The following ARFGEF1 variants were observed in gnomAD, a reference collection of about 807,000 sequenced individuals.
ARFGEF1 encodes the protein ARF guanine nucleotide exchange factor 1.
A neutral mutation model predicts 231.0 loss-of-function variants in ARFGEF1; 42 were observed. That is an observed-to-expected ratio of 0.18 (90% CI 0.14 to 0.24). The LOEUF is 0.24. Ranked by LOEUF, ARFGEF1 falls within the 10% of genes least tolerant of loss-of-function variation. ARFGEF1 has a pLI of 1.00. For synonymous variants in ARFGEF1, 710 were observed against 732.3 expected, an observed-to-expected ratio of 0.97 and a Z score of 0.49; for missense variants, 1,345 against 2,192.0, an observed-to-expected ratio of 0.61 and a Z score of 7.72.
chr8:67,262,922 T>A (rs1347526951), intron 14 of ARFGEF1, among the ~76,000 whole-genome samples: 1 of 152,226 alleles, frequency 6.6e-6, no homozygotes, highest in Non-Finnish European at 1.5e-5. Context: ...TGACTCACTA[T>A]ATTGCAATAT....
At chr8:67,331,205 A>G (rs1808083597) in intron 1 of ARFGEF1, among the ~76,000 whole-genome samples, 1 of 152,212 alleles carries the variant, frequency 6.6e-6, no homozygotes, top group Non-Finnish European at 1.5e-5. Context: ...TAAAACACCC[A>G]TCGATTCAGA....
At chr8:67,311,839 G>C (rs542656775) in intron 1 of ARFGEF1, among the ~76,000 whole-genome samples, 8 of 152,318 alleles carry the variant, frequency 5.3e-5, no homozygotes, top group African/African-American at 1.9e-4. Context: ...GATGGTTGCC[G>C]TGTCTGTGTA....
rs971399114 is a variant in ARFGEF1, at chr8:67,319,016, A to T, written c.125-16550T>A. Among the ~76,000 whole-genome samples the T allele has an allele frequency of 3.3e-5, 5 of 152,226 alleles. No homozygotes were observed. In the South Asian group the frequency reaches 1.0e-3, roughly 31 times the overall value. The stretch of plus-strand genomic sequence containing the variant: ...TCACAATAGCTCACCACAAAATAAA[A>T]TTCTTAAGTATGAACTTAACAAAAC... On this transcript the variant is annotated intron_variant, in intron 1 of 38. Transcript: ENST00000262215.
At chr8:67,320,972 A>G (rs908753897) in intron 1 of ARFGEF1, among the ~76,000 whole-genome samples, 1 of 152,124 alleles carries the variant, frequency 6.6e-6, no homozygotes, top group Non-Finnish European at 1.5e-5. Context: ...AAAATCAAAC[A>G]AAAAAAGAAA....
rs532884543 is a variant in ARFGEF1 at position 67,188,240 on chromosome 8, T to C, written c.560+12156A>G. On this transcript the variant is annotated intron_variant, in intron 5 of 5. Coordinates refer to the ARFGEF1 transcript ENST00000518789. ...GATTCAGCAAGACTTGCACCACACA[T>C]CACCATACAGATAACAAGACAAAGG... is the stretch of plus-strand genomic sequence containing the variant. Among the ~76,000 whole-genome samples, 8 of 152,224 alleles carry C rather than the reference T, an allele frequency of 5.3e-5. 1 individual carries two copies. The South Asian group carries it at 1.7e-3, about 32-fold the overall frequency.
In ARFGEF1 at chr8:67,199,026, G is replaced by A; in HGVS notation, c.5458C>T (p.Arg1820Cys). The change falls in exon 39 of 39, where the codon CGT (arginine) becomes TGT (cysteine). Residue 1820 changes from arginine (R) to cysteine (C), a missense_variant. Transcript: ENST00000262215. The part of the protein sequence containing the change: ...IMQFDLIPEL[R>C]AVLRRFFLRI... ...AGAAAAAATCTTCTAAGAACAGCAC[G>A]AAGTTCAGGAATCAAGTCAAATTGC... 6.2e-7 allele frequency: 1 copy of A among 1,611,760 alleles called. No individual in the cohort carries two copies. The highest frequency in any genetic ancestry group is 8.5e-7 in the Non-Finnish European group (1 of 1,179,482).
At chr8:67,303,066 A>T (rs376902180) in intron 1 of ARFGEF1, among the ~76,000 whole-genome samples, 1 of 151,916 alleles carries the variant, frequency 6.6e-6, no homozygotes, top group African/African-American at 2.4e-5. Context: ...CTCCACTACA[A>T]TCCAGCCTGG....
intron 4 of ARFGEF1, among the ~76,000 whole-genome samples, chr8:67,297,083 T>C (rs1486990344): frequency 2.0e-5 from 3 of 152,240 alleles, no homozygotes; most frequent in African/African-American, 7.2e-5. Context: ...GAATATATCA[T>C]CAACTGTTAA....
At chr8:67,245,064 G>C (rs1253061882) in intron 19 of ARFGEF1, among the ~76,000 whole-genome samples, 2 of 150,476 alleles carry the variant, frequency 1.3e-5, no homozygotes, top group Non-Finnish European at 2.9e-5. Context: ...AGGATACAGT[G>C]GTATGACATA....
intron 38 of ARFGEF1, chr8:67,199,809 C>CTACA (rs1838257951): frequency 6.0e-6 from 1 of 166,736 alleles, no homozygotes; most frequent in Non-Finnish European, 1.3e-5. Context: ...TATGTGTGAG[C>CTACA]TGTAAGTTGC....
chr8:67,192,366 C>T (rs1385363653), intron 5 of ARFGEF1, among the ~76,000 whole-genome samples: 3 of 152,158 alleles, frequency 2.0e-5, no homozygotes, highest in Non-Finnish European at 4.4e-5. Context: ...TGAGCCACCG[C>T]GCCCAGCCCT....
At position 67,201,622 on chromosome 8, in the gene ARFGEF1, T is replaced by C; in HGVS notation, c.5129-17A>G. 6.2e-7 allele frequency: 1 copy of C among 1,612,504 alleles called. No individual in the cohort carries two copies. The highest frequency in any genetic ancestry group is 1.7e-5 in the Admixed American group (1 of 59,786). The stretch of plus-strand genomic sequence containing the variant: ...CTTTGAATCCTGCAGAAAAGGGAAG[T>C]TTCTGGGATTAGTTTGGGAAGGCAT... On this transcript the variant is annotated splice_polypyrimidine_tract_variant and intron_variant, in intron 36 of 38. Coordinates refer to ENST00000262215, the MANE Select transcript of ARFGEF1 (RefSeq NM_006421.5).
intron 1 of ARFGEF1, among the ~76,000 whole-genome samples, chr8:67,334,575 T>G (rs968872297): frequency 2.0e-5 from 3 of 152,246 alleles, no homozygotes; most frequent in Non-Finnish European, 4.4e-5. Context: ...CTTCCCAGTT[T>G]GTCTACCTAG....
At chr8:67,316,277 G>C (rs142353650) in intron 1 of ARFGEF1, among the ~76,000 whole-genome samples, 1 of 152,120 alleles carries the variant, frequency 6.6e-6, no homozygotes, top group African/African-American at 2.4e-5. Context: ...TGAATTCATA[G>C]TTTAAAAACT....
chr8:67,323,642 C>T (rs908340241), intron 1 of ARFGEF1, among the ~76,000 whole-genome samples: 3 of 152,182 alleles, frequency 2.0e-5, no homozygotes, highest in Admixed American at 6.6e-5. Context: ...TCCTTTCTCT[C>T]ATTCCTCACA....
At chr8:67,339,661 G>A (rs1038042510) in intron 1 of ARFGEF1, among the ~76,000 whole-genome samples, 1 of 151,412 alleles carries the variant, frequency 6.6e-6, no homozygotes, top group African/African-American at 2.4e-5. Context: ...GAATGGATCA[G>A]GCTAAGCTAG....
At chr8:67,287,778 T>C (rs75098182) in intron 7 of ARFGEF1, among the ~76,000 whole-genome samples, 177 bp downstream of exon 7, 4,453 of 152,322 alleles carry the variant, frequency 0.029, 96 homozygotes, top group Middle Eastern at 0.061. Flanking sequence ...AAATCTTCCA[T>C]ATTAACCCAT....
intron 1 of ARFGEF1, among the ~76,000 whole-genome samples, chr8:67,305,369 C>T (rs1035731710): frequency 7.2e-5 from 11 of 152,106 alleles, no homozygotes; most frequent in Admixed American, 5.2e-4. Context: ...AACTGATAGG[C>T]GGTGATCCAG....
intron 5 of ARFGEF1, among the ~76,000 whole-genome samples, chr8:67,183,799 A>G (rs1353960131): frequency 6.6e-6 from 1 of 150,394 alleles, no homozygotes; most frequent in African/African-American, 2.4e-5. Flanking sequence ...GCCACAATTT[A>G]TGAAAGAAAT....
Sources: gnomAD v4.1 joint callset for allele counts (sites outside exome capture counted in the v4.1 genomes callset) on GRCh38, gnomAD v4.1.1 for gene constraint, MANE v1.5 for transcripts, NCBI Gene and HGNC (gene_info 2026-07-23, HGNC 2026-07-21) for gene names.